The following PHACTR3 variants were observed in gnomAD, a reference collection of about 807,000 sequenced individuals.
The protein encoded by PHACTR3 is phosphatase and actin regulator 3.
A neutral mutation model predicts 66.8 loss-of-function variants in PHACTR3; 16 were observed. The ratio of observed to expected loss-of-function variants is 0.24; its 90% CI spans 0.16 to 0.36. PHACTR3 has a LOEUF of 0.36. Among genes scored for constraint, PHACTR3 ranks in the 10% least tolerant of loss-of-function variants. The pLI, the probability that PHACTR3 is intolerant of heterozygous loss-of-function variation, is 1.00. For missense variants in PHACTR3, 647 were observed against 719.9 expected, an observed-to-expected ratio of 0.90 and a Z score of 1.16; for synonymous variants, 323 against 292.1, an observed-to-expected ratio of 1.11 and a Z score of -1.08.
At chr20:59,681,281 T>A (rs2146541904) in intron 1 of PHACTR3, among the ~76,000 whole-genome samples, 1 of 152,332 alleles carries the variant, frequency 6.6e-6, no homozygotes, top group South Asian at 2.1e-4. Flanking sequence ...CATGTGCACA[T>A]GTGCATACAT....
chr20:59,677,137 T>C (rs1008249394), intron 1 of PHACTR3, among the ~76,000 whole-genome samples: 1 of 152,192 alleles, frequency 6.6e-6, no homozygotes, highest in Non-Finnish European at 1.5e-5. Flanking sequence ...TGTCTGTAGA[T>C]TGTAAGATCG....
chr20:59,694,735 A>G (rs1432312559), intron 1 of PHACTR3, among the ~76,000 whole-genome samples: 4 of 152,150 alleles, frequency 2.6e-5, no homozygotes, highest in African/African-American at 9.7e-5. Flanking sequence ...AATAGGGACC[A>G]TCACTGATGG....
intron 11 of PHACTR3, 25 bp downstream of exon 11, chr20:59,841,560 G>T (rs765148283): frequency 4.1e-5 from 66 of 1,605,014 alleles, no homozygotes; most frequent in Non-Finnish European, 5.6e-5. Context: ...GTGCTGGTGG[G>T]GGGTGTTGGA....
intron 8 of PHACTR3, among the ~76,000 whole-genome samples, chr20:59,822,490 C>T (rs1295706821): frequency 6.6e-6 from 1 of 151,212 alleles, no homozygotes. Context: ...TATGGCTAGA[C>T]ACGGGAAGGG....
chr20:59,657,257 TTG>T (rs112043545), intron 1 of PHACTR3, among the ~76,000 whole-genome samples: 57,790 of 150,014 alleles, frequency 0.39, 11,196 homozygotes, highest in Non-Finnish European at 0.44. Context: ...TAGAAGTGTG[TTG>T]TGTGTGTGTG....
At chr20:59,607,123 A>G (rs2033698461) in intron 1 of PHACTR3, among the ~76,000 whole-genome samples, 1 of 152,106 alleles carries the variant, frequency 6.6e-6, no homozygotes, top group Admixed American at 6.5e-5. Flanking sequence ...GTGCCTGCAT[A>G]CTTCTTTTGA....
At chr20:59,791,375 T>A (rs950867389) in intron 7 of PHACTR3, among the ~76,000 whole-genome samples, 1 of 152,190 alleles carries the variant, frequency 6.6e-6, no homozygotes, top group African/African-American at 2.4e-5. Context: ...TCTTGGGTAT[T>A]CTGTTATAGC....
chr20:59,657,094 T>C (rs2035642058), intron 1 of PHACTR3, among the ~76,000 whole-genome samples: 1 of 152,070 alleles, frequency 6.6e-6, no homozygotes, highest in African/African-American at 2.4e-5. Flanking sequence ...TCTTAACCTT[T>C]TAATTTACCA....
At chr20:59,658,816 G>A (rs2035711975) in intron 1 of PHACTR3, among the ~76,000 whole-genome samples, 1 of 152,154 alleles carries the variant, frequency 6.6e-6, no homozygotes, top group Non-Finnish European at 1.5e-5. Context: ...TTTGAGGTCA[G>A]TCTTTGAGGT....
chr20:59,703,535 G>T (rs1350808359), intron 1 of PHACTR3, among the ~76,000 whole-genome samples: 1 of 152,156 alleles, frequency 6.6e-6, no homozygotes, highest in Admixed American at 6.5e-5. Flanking sequence ...TTTGTGTTCT[G>T]TGTAGAAAAT....
intron 1 of PHACTR3, among the ~76,000 whole-genome samples, chr20:59,699,062 A>G (rs2037398747): frequency 6.6e-6 from 1 of 152,198 alleles, no homozygotes; most frequent in Non-Finnish European, 1.5e-5. Context: ...TATTAACTGG[A>G]AAGGAGTGTT....
intron 5 of PHACTR3, among the ~76,000 whole-genome samples, chr20:59,767,647 G>T (rs1042357973): frequency 6.6e-6 from 1 of 152,218 alleles, no homozygotes; most frequent in Non-Finnish European, 1.5e-5. Context: ...GGCAGGAGTA[G>T]ACTGCCTAGG....
chr20:59,590,986 T>C (rs1248678400), intron 1 of PHACTR3, among the ~76,000 whole-genome samples: 1 of 152,222 alleles, frequency 6.6e-6, no homozygotes, highest in Non-Finnish European at 1.5e-5. Context: ...AAATTTATTT[T>C]AATGTTAAAT....
chr20:59,845,097 C>T, intron 11 of PHACTR3, 92 bp from the exon 12 acceptor site: 1 of 802,088 alleles, frequency 1.2e-6, no homozygotes, highest in Non-Finnish European at 2.0e-6. Flanking sequence ...ATAGAGTCAA[C>T]AAGGATTAGG....
chr20:59,823,332 G>A (rs1287702508), intron 8 of PHACTR3, among the ~76,000 whole-genome samples: 2 of 152,078 alleles, frequency 1.3e-5, no homozygotes, highest in East Asian at 3.9e-4. Context: ...CATGTGCTGT[G>A]CCCAGCTCGG....
At chr20:59,608,736 G>C (rs2033750616) in intron 1 of PHACTR3, among the ~76,000 whole-genome samples, 1 of 152,174 alleles carries the variant, frequency 6.6e-6, no homozygotes, top group South Asian at 2.1e-4. Context: ...CAACTCTCTG[G>C]CTCTGAGCTC....
At chr20:59,752,385 G>A (rs1241858236) in intron 3 of PHACTR3, among the ~76,000 whole-genome samples, 1 of 152,226 alleles carries the variant, frequency 6.6e-6, no homozygotes, top group Admixed American at 6.5e-5. Flanking sequence ...GAGAGTGGCC[G>A]GGCGGAGGCT....
At chr20:59,622,076 A>G (rs1011300045) in intron 1 of PHACTR3, among the ~76,000 whole-genome samples, 5 of 151,324 alleles carry the variant, frequency 3.3e-5, no homozygotes, top group South Asian at 2.1e-4. Context: ...GCATATATAT[A>G]TGTGTGTGTA....
chr20:59,751,199 C>A (rs994791871), intron 3 of PHACTR3, among the ~76,000 whole-genome samples: 2 of 141,612 alleles, frequency 1.4e-5, no homozygotes, highest in Admixed American at 6.8e-5. Flanking sequence ...GTTAAGGAAC[C>A]GGCTTCAGGG....
Sources: allele counts gnomAD v4.1 joint callset (sites outside exome capture counted in the v4.1 genomes callset), GRCh38; gene constraint gnomAD v4.1.1; transcripts MANE v1.5; gene names NCBI Gene and HGNC (gene_info 2026-07-23, HGNC 2026-07-21).